Variants in ANO7 observed in about 807,000 individuals in gnomAD.
ANO7 encodes the protein anoctamin-7.
Under a neutral mutation model 115.8 loss-of-function variants are expected in ANO7, and 114 were observed. The observed-to-expected ratio is 0.98, with a 90% confidence interval of 0.85 to 1.15. The LOEUF (loss-of-function observed/expected upper bound fraction) is 1.15, where lower values mean the gene tolerates loss of function less well. Ranked by LOEUF, ANO7 falls within the 50% of genes most tolerant of loss-of-function variation. ANO7 has a pLI of 0.00. For missense variants in ANO7, 1,302 were observed against 1,201.2 expected (o/e 1.08, Z -1.24); for synonymous variants, 550 against 498.2 (o/e 1.10, Z -1.38).
intron 4 of ANO7, among the ~76,000 whole-genome samples, chr2:241,198,410 G>T (rs1559441630): frequency 6.6e-6 from 1 of 152,214 alleles, no homozygotes; most frequent in Non-Finnish European, 1.5e-5. Flanking sequence ...AGAGCTGATT[G>T]GGTGGCGTGG....
chr2:241,217,166 G>A (rs2068850986), intron 19 of ANO7, among the ~76,000 whole-genome samples: 1 of 152,212 alleles, frequency 6.6e-6, no homozygotes, highest in Non-Finnish European at 1.5e-5. Flanking sequence ...GGGCATGTGA[G>A]CCGGCAGGCC....
rs757756741 is a variant in ANO7, at chr2:241,209,545, G to A, written c.1269G>A (p.Pro423=). Residue 423 remains proline, a synonymous_variant, in exon 13 of 25, where the codon CCG becomes CCA. Transcript: ENST00000674324. ...CCGCCTCAGCCCCCATGACAGCCCCGAACCCCATCACGGGTGAGGACGAGC... is the reference window on the plus strand; with the variant it reads ...CCGCCTCAGCCCCCATGACAGCCCCAAACCCCATCACGGGTGAGGACGAGC... ...QFAASAPMTA[P]NPITGEDEPY... 39 of 1,598,934 alleles carry A rather than the reference G, an allele frequency of 2.4e-5. No individual in the cohort carries two copies. Among genetic ancestry groups the A allele is most frequent in the Middle Eastern group, 2.3e-4 (1 of 4,408 alleles).
intron 3 of ANO7, among the ~76,000 whole-genome samples, chr2:241,195,240 G>A (rs765205869): frequency 2.6e-5 from 4 of 152,132 alleles, no homozygotes; most frequent in South Asian, 2.1e-4. Context: ...GGCTCACCTC[G>A]CACGCTCCTC....
intron 4 of ANO7, among the ~76,000 whole-genome samples, chr2:241,197,403 C>A (rs529141054): frequency 2.6e-5 from 4 of 152,136 alleles, no homozygotes; most frequent in Admixed American, 2.6e-4. Context: ...CCAGGCCTAA[C>A]GAGACAGGGT....
chr2:241,218,127 A>G lies in ANO7; in HGVS notation c.2179-112A>G, dbSNP rs1398650735. 3.2e-3 allele frequency: 220 copies of G among 68,966 alleles called. 3 individuals are homozygous for G. The highest frequency in any genetic ancestry group is 4.2e-3 in the African/African-American group (2 of 474). 4.3% of individuals were successfully genotyped at this position (68,966 alleles called of 1,614,324 possible). Reference sequence around the variant, plus strand: ...GGGCAGCGGGGGCGCGCAGGGGCGGAGCGGGGGCGCGCAGGGGCGGGGCGG... The same window carrying G: ...GGGCAGCGGGGGCGCGCAGGGGCGGGGCGGGGGCGCGCAGGGGCGGGGCGG... On this transcript the variant is annotated intron_variant, in intron 20 of 24. Coordinates refer to ENST00000674324, the MANE Select transcript of ANO7 (RefSeq NM_001370694.2).
intron 2 of ANO7, among the ~76,000 whole-genome samples, chr2:241,190,532 C>T (rs1482914148): frequency 1.3e-5 from 2 of 152,226 alleles, no homozygotes; most frequent in Non-Finnish European, 2.9e-5. Flanking sequence ...TGTAGGGCTC[C>T]ACCTTGTCAC....
At position 241,202,229 on chromosome 2, in the gene ANO7, C is replaced by T. The variant is rs201441589; in HGVS notation, c.648C>T (p.His216=). ...TCCTGGCCAAGACCCCGTATGGCCA[C>T]GAGAAGAAAAACCTGCTTGGGATCC... The part of the protein sequence containing the change: ...FEILAKTPYG[H]EKKNLLGIHQ... The change falls in exon 8 of 25, where the codon CAC becomes CAT. Residue 216 remains histidine (H), a synonymous_variant. Transcript: ENST00000674324. 106 of 1,613,838 alleles carry T rather than the reference C, an allele frequency of 6.6e-5. No individual in the cohort carries two copies. Among genetic ancestry groups the T allele is most frequent in the Admixed American group, 1.3e-4 (8 of 60,022 alleles).
chr2:241,204,199 C>T (rs1011043416), intron 9 of ANO7, among the ~76,000 whole-genome samples: 1 of 152,208 alleles, frequency 6.6e-6, no homozygotes, highest in African/African-American at 2.4e-5. Flanking sequence ...CCTGGGACAG[C>T]ACGGCCAGGC....
intron 21 of ANO7, among the ~76,000 whole-genome samples, chr2:241,221,899 C>T (rs145431545): frequency 0.013 from 1,998 of 152,002 alleles, 25 homozygotes; most frequent in African/African-American, 0.033. Context: ...AGGCTAGTTT[C>T]GAACTCCTGA....
rs772236282 is a variant in ANO7 at position 241,204,967 on chromosome 2, C to T, written c.980+12C>T. ...TCAGACATACCCACGTGAGTGTTCCCTCTCCGCAGCTCTGGGGCCTGGTGC... is the reference window on the plus strand; with the variant it reads ...TCAGACATACCCACGTGAGTGTTCCTTCTCCGCAGCTCTGGGGCCTGGTGC... On this transcript the variant is annotated intron_variant, in intron 10 of 24. Transcript: ENST00000674324. 5 of 1,612,292 alleles carry T rather than the reference C, an allele frequency of 3.1e-6. No homozygotes were observed. The South Asian group carries it at 3.3e-5, about 11-fold the overall frequency.
At chr2:241,204,261 G>A (rs1403783144) in intron 9 of ANO7, among the ~76,000 whole-genome samples, 1 of 152,224 alleles carries the variant, frequency 6.6e-6, no homozygotes, top group African/African-American at 2.4e-5. Flanking sequence ...GCTCCAGGCA[G>A]ACTTGCGTTT....
chr2:241,230,685 T>G, downstream of ANO7: 1 of 1,310,936 alleles, frequency 7.6e-7, no homozygotes. The surrounding 1 kb of genome is among the most constrained non-coding windows in gnomAD (Gnocchi z 5.0). Flanking sequence ...GGCCATGCCC[T>G]GCTCTTTCTT....
intron 21 of ANO7, among the ~76,000 whole-genome samples, chr2:241,219,639 C>T (rs2068959853): frequency 6.6e-6 from 1 of 151,552 alleles, no homozygotes. Context: ...ACAATTATAG[C>T]TCACTGCACC....
chr2:241,224,259 C>A lies in ANO7; in HGVS notation c.*106C>A. ...AGGCAGCGGCTGTGTGAACCGCTGG[C>A]TGCTGTTGTGCCTCATCTCTGGGCA... On this transcript the variant is annotated 3_prime_UTR_variant, in exon 25 of 25. Coordinates refer to ENST00000674324, the MANE Select transcript of ANO7 (RefSeq NM_001370694.2). The A allele has an allele frequency of 7.7e-7, 1 of 1,303,304 alleles. No homozygotes were observed. 80.7% of individuals were successfully genotyped at this position (1,303,304 alleles called of 1,614,324 possible).
At chr2:241,229,521 C>G, downstream of ANO7, 2 of 1,046,788 alleles carry the variant, frequency 1.9e-6, no homozygotes, top group Non-Finnish European at 2.9e-6. Flanking sequence ...AGGGTCCAGC[C>G]GCTGGGTCAG....
chr2:241,224,122 C>G lies in ANO7; in HGVS notation c.2609C>G (p.Thr870Arg), dbSNP rs370010636. The change falls in exon 25 of 25, where the codon ACG becomes AGG. Residue 870 changes from threonine to arginine, a missense_variant. Thr to Arg is a moderately conservative substitution (Grantham distance 71). Transcript: ENST00000674324. ...SELSSHWTPF[T>R]VPKASQLQQ ...CTCAGCTCCCACTGGACACCCTTCA[C>G]GGTTCCCAAGGCCAGCCAGCTGCAG... 1 of 1,614,130 alleles carries G rather than the reference C, an allele frequency of 6.2e-7. No individual in the cohort carries two copies. Among genetic ancestry groups the G allele is most frequent in the Non-Finnish European group, 8.5e-7 (1 of 1,180,028 alleles).
intron 7 of ANO7, 47 bp from the exon 8 acceptor site, chr2:241,202,147 G>A: frequency 6.5e-7 from 1 of 1,534,074 alleles, no homozygotes; most frequent in Admixed American, 1.7e-5. Flanking sequence ...TCCCTGTTCT[G>A]CTATCACGTG....
At position 241,223,756 on chromosome 2, in the gene ANO7, C is replaced by T; in HGVS notation, c.2507C>T (p.Ala836Val). 1.2e-6 allele frequency: 2 copies of T among 1,614,220 alleles called. No homozygotes were observed. The highest frequency in any genetic ancestry group is 1.7e-6 in the Non-Finnish European group (2 of 1,180,032). ...EIKVKREYYLAKQALAENEVL... is the reference protein window; with the variant it reads ...EIKVKREYYLVKQALAENEVL... ...AAAGTGAAGCGGGAGTACTACCTGG[C>T]TAAGCAGGCACTGGCTGAGAATGAG... The change falls in exon 23 of 25, where the codon GCT becomes GTT. Residue 836 changes from alanine to valine, a missense_variant. Coordinates refer to ENST00000674324, the MANE Select transcript of ANO7 (RefSeq NM_001370694.2).
chr2:241,229,296 G>A (rs541010493), downstream of ANO7: 4 of 315,864 alleles, frequency 1.3e-5, no homozygotes, highest in East Asian at 8.7e-5. Flanking sequence ...CGGAGCTCTC[G>A]TGATGAAGGC....
Sources: allele counts gnomAD v4.1 joint callset (sites outside exome capture counted in the v4.1 genomes callset), GRCh38; gene constraint gnomAD v4.1.1; non-coding constraint Gnocchi (gnomAD v3.1); transcripts MANE v1.5; gene names NCBI Gene and HGNC (gene_info 2026-07-23, HGNC 2026-07-21).